The following MCCC1 variants were observed in gnomAD, a reference collection of about 807,000 sequenced individuals.
The protein encoded by MCCC1 is methylcrotonyl-CoA carboxylase subunit 1.
A neutral mutation model predicts 83.8 loss-of-function variants in MCCC1; 64 were observed. That is an observed-to-expected ratio of 0.76 (90% CI 0.62 to 0.94). The LOEUF is 0.94. Ranked by LOEUF, MCCC1 falls within the 40% of genes least tolerant of loss-of-function variation. The pLI is 0.00. For synonymous variants in MCCC1, 322 were observed against 315.4 expected (o/e 1.02, Z -0.22); for missense variants, 807 against 904.7 (o/e 0.89, Z 1.39).
rs185976256 is a variant in MCCC1 at position 183,031,382 on chromosome 3, T to C, written c.1681+2609A>G. ...GGGTTCTGTGAAACGTGGCCTCTAG[T>C]AGCAAAGTAAGAATAGCTTGCAAGC... On this transcript the variant is annotated intron_variant, in intron 14 of 18. Transcript: ENST00000265594. Among the ~76,000 whole-genome samples, 9 of 151,992 alleles carry C rather than the reference T, an allele frequency of 5.9e-5. No individual in the cohort carries two copies. In the East Asian group the frequency reaches 1.5e-3, roughly 26 times the overall value.
Position 183,099,370 on chromosome 3 carries a change from C to G in MCCC1, c.71G>C (p.Ser24Thr), listed in dbSNP as rs762409158. The G allele has an allele frequency of 7.6e-5, 122 of 1,601,620 alleles. No homozygotes were observed. Among genetic ancestry groups the G allele is most frequent in the Non-Finnish European group, 1.0e-4 (120 of 1,176,260 alleles). ...CACCCACCTCGGCGGCAGGAGCAGG[C>G]TCGGGAGACGATGCCACCGGTTCCT... ...AERNRWHRLP[S>T]LLLPPRTWVW... Residue 24 changes from serine to threonine, a missense_variant, in exon 1 of 19, where the codon AGC becomes ACC. Transcript: ENST00000265594.
chr3:183,020,138 T>C lies in MCCC1; in HGVS notation c.1969A>G (p.Ile657Val). Reference sequence around the variant, plus strand: ...AGATGTCATGTGATTACCTTTTCAATGGTTCCAGTCATAGGAGCTAAGGGG... The same window carrying C: ...AGATGTCATGTGATTACCTTTTCAACGGTTCCAGTCATAGGAGCTAAGGGG... ...GGPLAPMTGTIEKVFVKAGDK... is the reference protein window; with the variant it reads ...GGPLAPMTGTVEKVFVKAGDK... The change falls in exon 17 of 19, where the codon ATT (isoleucine) becomes GTT (valine). Residue 657 changes from isoleucine (I) to valine (V), a missense_variant. Coordinates refer to ENST00000265594, the MANE Select transcript of MCCC1 (RefSeq NM_020166.5). 6.2e-7 allele frequency: 1 copy of C among 1,612,166 alleles called. No individual in the cohort carries two copies. Among genetic ancestry groups the C allele is most frequent in the Non-Finnish European group, 8.5e-7 (1 of 1,178,210 alleles).
intron 4 of MCCC1, among the ~76,000 whole-genome samples, chr3:183,080,744 A>G (rs73053941): frequency 0.011 from 1,705 of 152,312 alleles, 36 homozygotes; most frequent in African/African-American, 0.039. Context: ...ACACTGGGCA[A>G]TTTACAAAAG....
intron 3 of MCCC1, among the ~76,000 whole-genome samples, chr3:183,089,376 G>A (rs1718146331): frequency 6.6e-6 from 1 of 152,118 alleles, no homozygotes; most frequent in East Asian, 1.9e-4. Flanking sequence ...TAGTGGGGCT[G>A]GGCATGGTGG....
rs1022408190 is a variant in MCCC1, at chr3:183,072,403, G to A, written c.454C>T (p.Pro152Ser). 2 of 1,613,702 alleles carry A rather than the reference G, an allele frequency of 1.2e-6. No homozygotes were observed. Among genetic ancestry groups the A allele is most frequent in the Non-Finnish European group, 1.7e-6 (2 of 1,179,774 alleles). The change falls in exon 5 of 19, where the codon CCT becomes TCT. Residue 152 changes from proline (P) to serine (S), a missense_variant. Transcript: ENST00000265594. ...CKQEGIIFIG[P>S]PPSAIRDMGI... ...ATGTCTCTAATTGCAGATGGAGGAG[G>A]GCCTATAAAAATAATTCCTTCTTGC... is the stretch of plus-strand genomic sequence containing the variant.
intron 8 of MCCC1, among the ~76,000 whole-genome samples, chr3:183,055,801 G>A (rs1188557133): frequency 6.6e-6 from 1 of 152,002 alleles, no homozygotes; most frequent in Non-Finnish European, 1.5e-5. Context: ...TCTGGAGGCT[G>A]AGGTGAGGAT....
rs1716562558 is a variant in MCCC1, at chr3:183,070,292, A to T, written c.761+707T>A. On this transcript the variant is annotated intron_variant, in intron 7 of 18. Coordinates refer to ENST00000265594, the MANE Select transcript of MCCC1 (RefSeq NM_020166.5). Reference sequence around the variant, plus strand: ...ACAATAATTTGCTAATATTGAAAAAAAACCCTAAATTTCATCAACAAGAAA... The same window carrying T: ...ACAATAATTTGCTAATATTGAAAAATAACCCTAAATTTCATCAACAAGAAA... 2.0e-5 allele frequency among the ~76,000 whole-genome samples: 3 copies of T among 152,238 alleles called. No homozygotes were observed. In the South Asian group the frequency reaches 6.2e-4, roughly 31 times the overall value.
chr3:183,015,595 T>C (rs1328362593), intron 18 of MCCC1, 29 bp from the exon 19 acceptor site: 3 of 1,613,834 alleles, frequency 1.9e-6, no homozygotes, highest in East Asian at 2.2e-5. Flanking sequence ...GGACAAATGA[T>C]AGCTGCAATA....
chr3:183,041,035 AC>A (rs573447743), intron 11 of MCCC1, among the ~76,000 whole-genome samples: 4 of 152,342 alleles, frequency 2.6e-5, no homozygotes, highest in Admixed American at 2.6e-4. Context: ...GGTGAAAGGA[AC>A]ACAAGTAGAA....
At chr3:183,115,131 G>A (rs180774545) in intron 1 of MCCC1, among the ~76,000 whole-genome samples, 3 of 152,216 alleles carry the variant, frequency 2.0e-5, no homozygotes, top group Non-Finnish European at 4.4e-5. Context: ...TGACGGCCTT[G>A]ATAAAAGATG....
intron 4 of MCCC1, among the ~76,000 whole-genome samples, chr3:183,078,286 C>T (rs1717229386): frequency 6.6e-6 from 1 of 152,190 alleles, no homozygotes. Context: ...TCCCAAAATG[C>T]TGGGGATTAC....
In MCCC1 at chr3:183,094,552, T is replaced by C. The variant is rs559629034; in HGVS notation, c.136+7A>G. The C allele has an allele frequency of 4.2e-5, 68 of 1,614,124 alleles. 1 individual carries two copies. In the East Asian group the frequency reaches 1.2e-3, roughly 28 times the overall value. On this transcript the variant is annotated splice_region_variant and intron_variant, in intron 2 of 18. Coordinates refer to ENST00000265594, the MANE Select transcript of MCCC1 (RefSeq NM_020166.5). The stretch of plus-strand genomic sequence containing the variant: ...AAATCAAATAGAACAACAAAGTCTG[T>C]CAGTACCTGTGGCTGTTGTGTACTT...
rs1711922506 is a variant in MCCC1 at position 183,018,973 on chromosome 3, C to T, written c.1977+1157G>A. Among the ~76,000 whole-genome samples, 5 of 152,292 alleles carry T rather than the reference C, an allele frequency of 3.3e-5. No homozygotes were observed. The South Asian group carries it at 1.0e-3, about 32-fold the overall frequency. ...CTCACTTTCGTTTTGGTTAACATGG[C>T]TACTAAGTGGGAGACTAACAGAGTT... On this transcript the variant is annotated intron_variant, in intron 17 of 18. Coordinates refer to ENST00000265594, the MANE Select transcript of MCCC1 (RefSeq NM_020166.5).
chr3:183,044,192 C>G (rs1311673949), intron 10 of MCCC1, among the ~76,000 whole-genome samples: 1 of 152,090 alleles, frequency 6.6e-6, no homozygotes, highest in Non-Finnish European at 1.5e-5. Flanking sequence ...TACAAGGAAC[C>G]ACGAATCCTA....
chr3:183,017,386 G>A, intron 17 of MCCC1, 49 bp from the exon 18 acceptor site: 2 of 1,571,302 alleles, frequency 1.3e-6, no homozygotes, highest in Non-Finnish European at 8.7e-7. Context: ...AGAGGTCCTA[G>A]ATATGTTCAT....
intron 14 of MCCC1, among the ~76,000 whole-genome samples, chr3:183,031,583 C>T (rs1713079323): frequency 6.7e-6 from 1 of 148,764 alleles, no homozygotes; most frequent in Non-Finnish European, 1.5e-5. Context: ...CTGCAAGCTC[C>T]ACCTCCCAGG....
In MCCC1 at chr3:183,059,510, A is replaced by G. The variant is rs192084427; in HGVS notation, c.762-2088T>C. On this transcript the variant is annotated intron_variant, in intron 7 of 18. Coordinates refer to ENST00000265594, the MANE Select transcript of MCCC1 (RefSeq NM_020166.5). ...TACGTTATTGCCATTATTTTAAACA[A>G]ACTGTTATCTGTTAAATCAATTCAA... Among the ~76,000 whole-genome samples, 306 of 152,300 alleles carry G rather than the reference A, an allele frequency of 2.0e-3. 3 individuals are homozygous for G. The highest frequency in any genetic ancestry group is 3.7e-3 in the Non-Finnish European group (255 of 68,030).
intron 11 of MCCC1, 32 bp from the exon 12 acceptor site, chr3:183,039,167 G>A: frequency 6.3e-7 from 1 of 1,583,980 alleles, no homozygotes. Context: ...ACCTCTTCAA[G>A]TCAAAACACG....
upstream of MCCC1, among the ~76,000 whole-genome samples, chr3:183,103,667 G>C (rs528427088): frequency 3.3e-5 from 5 of 152,366 alleles, no homozygotes; most frequent in African/African-American, 1.2e-4. Context: ...CCAGACTCAG[G>C]AGTCCAGGTG....
Sources: gnomAD v4.1 joint callset for allele counts (sites outside exome capture counted in the v4.1 genomes callset) on GRCh38, gnomAD v4.1.1 for gene constraint, MANE v1.5 for transcripts, NCBI Gene and HGNC (gene_info 2026-07-23, HGNC 2026-07-21) for gene names.